SLC7A8: variants seen among roughly 807,000 people sequenced by gnomAD.
SLC7A8 encodes large neutral amino acids transporter small subunit 2.
A neutral mutation model predicts 51.2 loss-of-function variants in SLC7A8; 30 were observed. That is an observed-to-expected ratio of 0.59 (90% confidence interval 0.44 to 0.80). SLC7A8 has a LOEUF of 0.80. Among genes scored for constraint, SLC7A8 ranks in the 30% least tolerant of loss-of-function variants. The pLI, the probability that SLC7A8 is intolerant of heterozygous loss-of-function variation, is 0.00. For missense variants in SLC7A8, 612 were observed against 674.4 expected, an observed-to-expected ratio of 0.91 and a Z score of 1.03; for synonymous variants, 257 against 275.8, an observed-to-expected ratio of 0.93 and a Z score of 0.67.
intron 3 of SLC7A8, among the ~76,000 whole-genome samples, chr14:23,152,736 C>CT (rs2140325578): frequency 6.6e-6 from 1 of 152,302 alleles, no homozygotes; most frequent in South Asian, 2.1e-4. Context: ...TGCTCCCTTG[C>CT]TTTGGATACA....
chr14:23,135,416 T>C (rs560666829), intron 7 of SLC7A8, among the ~76,000 whole-genome samples: 23 of 150,578 alleles, frequency 1.5e-4, no homozygotes, highest in African/African-American at 5.6e-4. Flanking sequence ...AAAAGAAAAG[T>C]TTTAGGCCAG....
chr14:23,143,959 A>T (rs1334300308), intron 3 of SLC7A8, among the ~76,000 whole-genome samples: 1 of 152,162 alleles, frequency 6.6e-6, no homozygotes, highest in East Asian at 1.9e-4. Flanking sequence ...TTCGAGATCT[A>T]CTCATGTTGT....
At chr14:23,141,333 A>C (rs77765879) in intron 4 of SLC7A8, among the ~76,000 whole-genome samples, 6,867 of 152,364 alleles carry the variant, frequency 0.045, 486 homozygotes, top group African/African-American at 0.15. Flanking sequence ...GCAAGCATCC[A>C]GAACAACAAA....
At position 23,127,355 on chromosome 14, in the gene SLC7A8, G is replaced by T; in HGVS notation, c.1442-12C>A. 6.2e-7 allele frequency: 1 copy of T among 1,612,530 alleles called. No individual in the cohort carries two copies. The highest frequency in any genetic ancestry group is 8.5e-7 in the Non-Finnish European group (1 of 1,178,740). On this transcript the variant is annotated splice_polypyrimidine_tract_variant and intron_variant, in intron 10 of 10. Coordinates refer to ENST00000316902, the MANE Select transcript of SLC7A8 (RefSeq NM_012244.4). The stretch of plus-strand genomic sequence containing the variant: ...CAGGGTTAGCAGCTCTGTAGGAAGA[G>T]ATCACACAGAAACCAGGCCAATGCT...
chr14:23,166,630 C>T, intron 1 of SLC7A8, 90 bp from the exon 2 acceptor site: 1 of 1,323,376 alleles, frequency 7.6e-7, no homozygotes, highest in South Asian at 1.2e-5. Flanking sequence ...CATTTCTGAT[C>T]TGATTCTGAA....
rs955495926 is a variant in SLC7A8 at position 23,139,603 on chromosome 14, C to T, written c.789-56G>A. On this transcript the variant is annotated intron_variant, in intron 5 of 10. Coordinates refer to ENST00000316902, the MANE Select transcript of SLC7A8 (RefSeq NM_012244.4). ...CTGGCACCCGGGACACCCGCCTTGCCATGGAGTCCAGGGGGTGTCTTCTGT... is the reference window on the plus strand; with the variant it reads ...CTGGCACCCGGGACACCCGCCTTGCTATGGAGTCCAGGGGGTGTCTTCTGT... 123 of 1,576,208 alleles carry T rather than the reference C, an allele frequency of 7.8e-5. 1 individual carries two copies. The highest frequency in any genetic ancestry group is 8.5e-5 in the Non-Finnish European group (99 of 1,159,596).
At chr14:23,134,703 A>G (rs1359198178) in intron 7 of SLC7A8, among the ~76,000 whole-genome samples, 1 of 151,952 alleles carries the variant, frequency 6.6e-6, no homozygotes, top group Non-Finnish European at 1.5e-5. Flanking sequence ...GACTACATGT[A>G]CATATCACCG....
chr14:23,180,997 A>G (rs928815820), intron 1 of SLC7A8, among the ~76,000 whole-genome samples: 1 of 152,104 alleles, frequency 6.6e-6, no homozygotes, highest in African/African-American at 2.4e-5. Flanking sequence ...ACTGCACTCC[A>G]GCCTGGGCCA....
intron 5 of SLC7A8, 51 bp downstream of exon 5, chr14:23,140,420 G>A: frequency 2.6e-6 from 4 of 1,540,558 alleles, no homozygotes; most frequent in Non-Finnish European, 2.6e-6. Context: ...TCCAGCAGCA[G>A]GTGCTGTGGC....
chr14:23,175,793 G>C (rs1032123742), intron 1 of SLC7A8, among the ~76,000 whole-genome samples: 1 of 152,182 alleles, frequency 6.6e-6, no homozygotes, highest in Non-Finnish European at 1.5e-5. Flanking sequence ...GAGCATTTTA[G>C]TTAAGCCCAG....
intron 3 of SLC7A8, 120 bp from the exon 4 acceptor site, chr14:23,143,324 C>T (rs1293623026): frequency 1.4e-6 from 2 of 1,397,790 alleles, no homozygotes; most frequent in Non-Finnish European, 1.9e-6. Flanking sequence ...GTGAGCCAGA[C>T]ATCCAGCAAG....
In SLC7A8 at chr14:23,139,411, T is replaced by C. The variant is rs1282727240; in HGVS notation, c.912+13A>G. ...CATTCCTGGTATGAGACTCTGGGAC[T>C]TTCATTTCTTACCACAGCGACGGCG... On this transcript the variant is annotated intron_variant, in intron 6 of 10. Transcript: ENST00000316902. 6.2e-7 allele frequency: 1 copy of C among 1,613,852 alleles called. No homozygotes were observed. The highest frequency in any genetic ancestry group is 8.5e-7 in the Non-Finnish European group (1 of 1,179,816).
chr14:23,143,219 C>A lies in SLC7A8; in HGVS notation c.509-15G>T, dbSNP rs987591487. 1 of 1,613,836 alleles carries A rather than the reference C, an allele frequency of 6.2e-7. No homozygotes were observed. The highest frequency in any genetic ancestry group is 1.3e-5 in the African/African-American group (1 of 75,040). ...TGTGAGGAGCACTGAAATGAAAGAC[C>A]CCCAAACAGACCTTCAGGGGCTGTA... On this transcript the variant is annotated splice_polypyrimidine_tract_variant and intron_variant, in intron 3 of 10. Transcript: ENST00000316902.
rs2048600557 is a variant in SLC7A8 at position 23,128,392 on chromosome 14, G to T, written c.1264-196C>A. 2.0e-6 allele frequency: 3 copies of T among 1,522,702 alleles called. No individual in the cohort carries two copies. Among genetic ancestry groups the T allele is most frequent in the African/African-American group, 1.4e-5 (1 of 72,758 alleles). 94.3% of individuals were successfully genotyped at this position (1,522,702 alleles called of 1,614,324 possible). A position where few individuals can be genotyped will look rare whatever the true frequency, so the allele number is the denominator to read the frequency against. On this transcript the variant is annotated intron_variant, in intron 9 of 10. Transcript: ENST00000316902. The surrounding 1 kb of genome is among the most constrained non-coding windows in gnomAD (Gnocchi z 4.3). Reference sequence around the variant, plus strand: ...ATATAAACAAATGTTGATGAACATGGTCGGTCAGACAGGAAGAGGATGGGG... The same window carrying T: ...ATATAAACAAATGTTGATGAACATGTTCGGTCAGACAGGAAGAGGATGGGG...
chr14:23,167,645 T>G (rs2048956621), intron 1 of SLC7A8, among the ~76,000 whole-genome samples: 1 of 152,062 alleles, frequency 6.6e-6, no homozygotes, highest in African/African-American at 2.4e-5. Context: ...CTTCTTGTGG[T>G]AAAAGAGGTC....
chr14:23,141,305 A>T (rs888761807), intron 4 of SLC7A8, among the ~76,000 whole-genome samples: 3 of 151,200 alleles, frequency 2.0e-5, no homozygotes, highest in Non-Finnish European at 2.9e-5. Flanking sequence ...AAAAGAAAAA[A>T]ACAAACAAAC....
chr14:23,169,434 G>C (rs1386286010), intron 1 of SLC7A8, among the ~76,000 whole-genome samples: 1 of 152,128 alleles, frequency 6.6e-6, no homozygotes, highest in Non-Finnish European at 1.5e-5. Flanking sequence ...AAGTGCTAGG[G>C]AACAGCCTGT....
chr14:23,177,266 G>A (rs1876966563), intron 1 of SLC7A8, among the ~76,000 whole-genome samples: 1 of 152,250 alleles, frequency 6.6e-6, no homozygotes, highest in South Asian at 2.1e-4. Flanking sequence ...CTAACTGGAT[G>A]TGTAAATAGA....
In SLC7A8 at chr14:23,131,576, G is replaced by C. The variant is rs2048633449; in HGVS notation, c.1017-19C>G. 1.9e-6 allele frequency: 3 copies of C among 1,577,786 alleles called. No individual in the cohort carries two copies. The highest frequency in any genetic ancestry group is 1.8e-5 in the Admixed American group (1 of 55,562). On this transcript the variant is annotated intron_variant, in intron 7 of 10. Transcript: ENST00000316902. Reference sequence around the variant, plus strand: ...GAACAGCCTGTCAGGGAGAAAAGCAGGTCAGCCTGGGATAACCCAGGGACC... The same window carrying C: ...GAACAGCCTGTCAGGGAGAAAAGCACGTCAGCCTGGGATAACCCAGGGACC...
Sources: allele counts gnomAD v4.1 joint callset (sites outside exome capture counted in the v4.1 genomes callset), GRCh38; gene constraint gnomAD v4.1.1; non-coding constraint Gnocchi (gnomAD v3.1); transcripts MANE v1.5; gene names NCBI Gene and HGNC (gene_info 2026-07-23, HGNC 2026-07-21).